Variants in ZC4H2 observed in about 807,000 individuals in gnomAD.
ZC4H2 encodes zinc finger C4H2 domain-containing protein.
For missense variants in ZC4H2, 137 were observed against 173.9 expected, an observed-to-expected ratio of 0.79 and a Z score of 1.19; for synonymous variants, 84 against 66.3, an observed-to-expected ratio of 1.27 and a Z score of -1.30.
At chrX:64,993,315 T>C (rs1200019798) in intron 1 of ZC4H2, among the ~76,000 whole-genome samples, 1 of 111,924 alleles carries the variant, frequency 8.9e-6, no homozygotes, top group African/African-American at 3.3e-5. Flanking sequence ...CACCCTGCCA[T>C]TCGTGTGTTG....
At chrX:64,918,976 G>C (rs1338205009) in intron 4 of ZC4H2, 66 bp downstream of exon 4, 2 of 1,108,201 alleles carry the variant, frequency 1.8e-6, no homozygotes, top group Non-Finnish European at 2.4e-6. Flanking sequence ...CCCAGAACTA[G>C]CCTTCCACGG....
At chrX:65,013,449 A>G (rs1932777696) in intron 1 of ZC4H2, among the ~76,000 whole-genome samples, 1 of 111,692 alleles carries the variant, frequency 9.0e-6, no homozygotes, top group African/African-American at 3.3e-5. Flanking sequence ...CATTTCCTAG[A>G]TTAGGTTACA....
At chrX:65,013,750 C>T (rs1231323826) in intron 1 of ZC4H2, among the ~76,000 whole-genome samples, 1 of 111,614 alleles carries the variant, frequency 9.0e-6, no homozygotes, top group African/African-American at 3.3e-5. Flanking sequence ...GACCCTGAAG[C>T]AGAGGACTCA....
At chrX:64,926,843 G>T (rs181594536) in intron 1 of ZC4H2, among the ~76,000 whole-genome samples, 2 of 111,670 alleles carry the variant, frequency 1.8e-5, no homozygotes, top group Admixed American at 1.9e-4. Flanking sequence ...ATGGAGGGCT[G>T]ACTTTTTGTA....
intron 1 of ZC4H2, among the ~76,000 whole-genome samples, chrX:64,946,194 A>G (rs1054345899): frequency 3.6e-5 from 4 of 111,468 alleles, no homozygotes; most frequent in African/African-American, 1.3e-4. Context: ...CTCAGTGTCT[A>G]CCCAAACAGC....
intron 1 of ZC4H2, among the ~76,000 whole-genome samples, chrX:65,029,321 G>A (rs999237565): frequency 8.9e-6 from 1 of 111,895 alleles, no homozygotes; most frequent in Non-Finnish European, 1.9e-5. Flanking sequence ...TCAGTAACTG[G>A]TGTTCTTAAC....
Position 64,920,273 on chromosome X carries a change from A to G in ZC4H2, c.226-20T>C. 1.6e-5 allele frequency: 19 copies of G among 1,199,422 alleles called. No homozygotes were observed. The highest frequency in any genetic ancestry group is 2.1e-5 in the Non-Finnish European group (19 of 889,125). On this transcript the variant is annotated intron_variant, in intron 2 of 4. Transcript: ENST00000374839. ...TTCCATCTGGAACATAGAGTGGGAT[A>G]GGCACAGAGAAAAGATCCTAAGGTT...
upstream of ZC4H2, among the ~76,000 whole-genome samples, chrX:64,979,098 G>A (rs954229310): frequency 1.8e-5 from 2 of 111,849 alleles, no homozygotes; most frequent in Admixed American, 9.5e-5. Flanking sequence ...CGAAATCCTA[G>A]TTTACAGATG....
At chrX:64,963,246 T>C (rs771978551) in intron 1 of ZC4H2, among the ~76,000 whole-genome samples, 1 of 111,780 alleles carries the variant, frequency 8.9e-6, no homozygotes, top group Non-Finnish European at 1.9e-5. Context: ...ACGTATAACA[T>C]TGGACCCTTA....
chrX:64,952,243 C>T (rs1162810264), intron 1 of ZC4H2, among the ~76,000 whole-genome samples: 2 of 109,939 alleles, frequency 1.8e-5, no homozygotes, highest in African/African-American at 3.4e-5. Flanking sequence ...GTGATGCCTC[C>T]AGCTTTGTTC....
chrX:64,997,078 A>C (rs1932429139), intron 1 of ZC4H2, among the ~76,000 whole-genome samples: 1 of 112,327 alleles, frequency 8.9e-6, no homozygotes, highest in Admixed American at 9.4e-5. Flanking sequence ...CCAAAGACAA[A>C]GAGATAATCT....
intron 1 of ZC4H2, among the ~76,000 whole-genome samples, chrX:64,932,964 T>C (rs1008002626): frequency 4.5e-5 from 5 of 111,753 alleles, no homozygotes; most frequent in African/African-American, 1.6e-4. Flanking sequence ...TCCAAACTTT[T>C]AGATTTCTGT....
upstream of ZC4H2, among the ~76,000 whole-genome samples, chrX:64,977,079 G>A (rs748251897): frequency 8.9e-6 from 1 of 111,748 alleles, no homozygotes; most frequent in Non-Finnish European, 1.9e-5. Flanking sequence ...AGTACTGTAG[G>A]AGTCACCGGG....
At chrX:64,917,920 A>G (rs1411407261) in intron 4 of ZC4H2, 24 bp from the exon 5 acceptor site, 2 of 1,191,096 alleles carry the variant, frequency 1.7e-6, no homozygotes, top group Non-Finnish European at 2.3e-6. Flanking sequence ...CAGGAAAAAG[A>G]AAGTTAGTAG....
In ZC4H2 at chrX:64,944,141, CTTTT is replaced by C. The variant is rs746540220; in HGVS notation, c.54-22157_54-22154del. 5.6e-5 allele frequency among the ~76,000 whole-genome samples: 5 copies of C among 89,145 alleles called. No individual in the cohort carries two copies. In the East Asian group the frequency reaches 1.0e-3, roughly 18 times the overall value. 77.4% of individuals were successfully genotyped at this position (89,145 alleles called of 115,157 possible). On this transcript the variant is annotated intron_variant, in intron 1 of 4. Transcript: ENST00000374839. ...CTGGGTTAAAATTTTTTTCTTTTTT[CTTTT>C]TTTTTTTTTTTTTGAGATGGAGTCT...
chrX:65,008,840 G>A (rs184494072), intron 1 of ZC4H2, among the ~76,000 whole-genome samples: 3 of 111,646 alleles, frequency 2.7e-5, no homozygotes, highest in Non-Finnish European at 5.6e-5. Context: ...ATAAAGATGG[G>A]ATTGTTAATG....
chrX:64,942,920 G>T (rs759055752), intron 1 of ZC4H2, among the ~76,000 whole-genome samples: 1 of 111,805 alleles, frequency 8.9e-6, no homozygotes, highest in African/African-American at 3.3e-5. Context: ...TTTCACAAGG[G>T]TTGAACTAAT....
intron 1 of ZC4H2, among the ~76,000 whole-genome samples, chrX:64,994,860 C>A (rs890638757): frequency 9.1e-6 from 1 of 110,214 alleles, no homozygotes; most frequent in African/African-American, 3.3e-5. Context: ...ACACACATTG[C>A]AAAACAAACA....
At chrX:64,938,769 G>GT (rs1930134055) in intron 1 of ZC4H2, among the ~76,000 whole-genome samples, 2 of 111,576 alleles carry the variant, frequency 1.8e-5, no homozygotes, top group Admixed American at 1.9e-4. Flanking sequence ...AATAAACCAG[G>GT]TATCAATGAA....
Sources: gnomAD v4.1 joint callset for allele counts (sites outside exome capture counted in the v4.1 genomes callset) on GRCh38, gnomAD v4.1.1 for gene constraint, MANE v1.5 for transcripts, NCBI Gene and HGNC (gene_info 2026-07-23, HGNC 2026-07-21) for gene names.